Variants in DAZAP1 observed in about 807,000 individuals in gnomAD.
The protein encoded by DAZAP1 is DAZ associated protein 1.
Under a neutral mutation model 60.1 loss-of-function variants are expected in DAZAP1, and 6 were observed. That is an observed-to-expected ratio of 0.10 (90% CI 0.05 to 0.20). DAZAP1 has a LOEUF of 0.20. Ranked by LOEUF, DAZAP1 falls within the 10% of genes least tolerant of loss-of-function variation. DAZAP1 has a pLI of 1.00. For synonymous variants in DAZAP1, 235 were observed against 215.9 expected (o/e 1.09, Z -0.78); for missense variants, 366 against 560.4 (o/e 0.65, Z 3.50).
intron 1 of DAZAP1, among the ~76,000 whole-genome samples, chr19:1,415,178 A>G (rs1011223224): frequency 1.3e-5 from 2 of 152,048 alleles, no homozygotes; most frequent in Admixed American, 1.3e-4. Context: ...ATTTAAATGA[A>G]GACCGAAACT....
rs1391913051 is a variant in DAZAP1, at chr19:1,428,842, G to A, written c.547G>A (p.Val183Met). The change falls in exon 8 of 12, where the codon GTG becomes ATG. Residue 183 changes from valine to methionine, a missense_variant and splice_region_variant. Transcript: ENST00000233078. The surrounding 1 kb of genome is among the most constrained non-coding windows in gnomAD (Gnocchi z 4.0). Reference sequence around the variant, plus strand: ...CTAAACCAGAGCTCGGTTTGTTTAGGTGGAAGTTAAACGAGCTGAGCCTCG... The same window carrying A: ...CTAAACCAGAGCTCGGTTTGTTTAGATGGAAGTTAAACGAGCTGAGCCTCG... ...MHFHDIMGKK[V>M]EVKRAEPRDS... is the part of the protein sequence containing the mutation. The A allele has an allele frequency of 1.2e-6, 2 of 1,612,828 alleles. No individual in the cohort carries two copies. The highest frequency in any genetic ancestry group is 1.7e-6 in the Non-Finnish European group (2 of 1,179,856).
chr19:1,433,836 C>G lies in DAZAP1; in HGVS notation c.1049-901C>G. 6.2e-7 allele frequency: 1 copy of G among 1,612,652 alleles called. No homozygotes were observed. Among genetic ancestry groups the G allele is most frequent in the Non-Finnish European group, 8.5e-7 (1 of 1,178,934 alleles). On this transcript the variant is annotated intron_variant, in intron 11 of 11. Coordinates refer to ENST00000233078, the MANE Select transcript of DAZAP1 (RefSeq NM_018959.4). The surrounding 1 kb of genome is among the most constrained non-coding windows in gnomAD (Gnocchi z 6.1). ...GCAGTGATGTGGCCTAGGTAGGTGC[C>G]GCCTCCTTCTCCAGGGTCCTCCCAC...
At chr19:1,415,159 A>G (rs1319432850) in intron 1 of DAZAP1, among the ~76,000 whole-genome samples, 1 of 152,042 alleles carries the variant, frequency 6.6e-6, no homozygotes. Flanking sequence ...TTAATACACA[A>G]TTTTTGAAAT....
In DAZAP1 at chr19:1,432,361, C is replaced by G. The variant is rs1181229035; in HGVS notation, c.872-153C>G. 1.3e-6 allele frequency: 1 copy of G among 776,248 alleles called. No homozygotes were observed. The highest frequency in any genetic ancestry group is 1.7e-5 in the African/African-American group (1 of 58,518). The allele number at this position is 776,248 out of a possible 1,614,324, so 48.1% of individuals were successfully genotyped here. On this transcript the variant is annotated intron_variant, in intron 10 of 11. Transcript: ENST00000233078. The surrounding 1 kb of genome is among the most constrained non-coding windows in gnomAD (Gnocchi z 4.9). ...CGGCCCGGGACCGTGGCTCTGTGGTCCATTCTGTGGATGTCCACAAGGCCT... is the reference window on the plus strand; with the variant it reads ...CGGCCCGGGACCGTGGCTCTGTGGTGCATTCTGTGGATGTCCACAAGGCCT...
intron 1 of DAZAP1, among the ~76,000 whole-genome samples, chr19:1,412,481 G>A (rs2082859044): frequency 6.6e-6 from 1 of 152,228 alleles, no homozygotes; most frequent in Admixed American, 6.5e-5. Context: ...GGGTCTGTGG[G>A]GAGGCAGGCT....
rs913091361 is a variant in DAZAP1 at position 1,423,307 on chromosome 19, C to T, written c.463+911C>T. ...AGTCTTAGTCGTAACTTAATTTAGACATACATGCTTAGTGACGTACTTAAG... is the reference window on the plus strand; with the variant it reads ...AGTCTTAGTCGTAACTTAATTTAGATATACATGCTTAGTGACGTACTTAAG... On this transcript the variant is annotated intron_variant, in intron 6 of 11. Transcript: ENST00000233078. This position sits in a 1 kb window ranked among gnomAD's most constrained non-coding sequence, Gnocchi z 6.8. Among the ~76,000 whole-genome samples the T allele has an allele frequency of 6.6e-6, 1 of 152,254 alleles. No individual in the cohort carries two copies. Among genetic ancestry groups the T allele is most frequent in the African/African-American group, 2.4e-5 (1 of 41,460 alleles).
At position 1,434,337 on chromosome 19, in the gene DAZAP1, CAG is replaced by C. The variant is rs745489363; in HGVS notation, c.1049-399_1049-398del. 21 of 214,472 alleles carry C rather than the reference CAG, an allele frequency of 9.8e-5. No homozygotes were observed. The highest frequency in any genetic ancestry group is 1.6e-4 in the Non-Finnish European group (17 of 106,120). The allele number at this position is 214,472 out of a possible 1,614,324, so 13.3% of individuals were successfully genotyped here. A position where few individuals can be genotyped will look rare whatever the true frequency, so the allele number is the denominator to read the frequency against. ...GCCCTGTATCGCTGCAAGGGCCCGT[CAG>C]GGGTTTTCTGAAACTCCGAGAGCCA... On this transcript the variant is annotated intron_variant, in intron 11 of 11. Transcript: ENST00000233078. The surrounding 1 kb of genome is among the most constrained non-coding windows in gnomAD (Gnocchi z 8.0).
At chr19:1,430,059 G>GT in intron 9 of DAZAP1, 63 bp downstream of exon 9, 1 of 1,581,508 alleles carries the variant, frequency 6.3e-7, no homozygotes, top group Non-Finnish European at 8.6e-7. Flanking sequence ...GACTCGCCAG[G>GT]TGTCCTGGGG....
chr19:1,419,106 C>G (rs1298958662), intron 4 of DAZAP1, among the ~76,000 whole-genome samples: 1 of 152,224 alleles, frequency 6.6e-6, no homozygotes, highest in Non-Finnish European at 1.5e-5. Flanking sequence ...TCAGCTCGTG[C>G]TGGCCACTTT....
chr19:1,415,389 G>GTGTTTT (rs751334899), intron 1 of DAZAP1, among the ~76,000 whole-genome samples: 1 of 127,576 alleles, frequency 7.8e-6, no homozygotes, highest in African/African-American at 3.0e-5. Flanking sequence ...GTGTGTGTGT[G>GTGTTTT]TTTTGTTTTT....
At chr19:1,417,575 G>T in intron 2 of DAZAP1, 35 bp downstream of exon 2, 1 of 1,590,280 alleles carries the variant, frequency 6.3e-7, no homozygotes, top group Non-Finnish European at 8.6e-7. Context: ...GGGTACTGCA[G>T]ATGGGCTCTA....
chr19:1,432,865 C>G lies in DAZAP1; in HGVS notation c.1048+175C>G. The G allele has an allele frequency of 1.5e-6, 1 of 675,064 alleles. No homozygotes were observed. The highest frequency in any genetic ancestry group is 2.5e-6 in the Non-Finnish European group (1 of 406,126). The allele number at this position is 675,064 out of a possible 1,614,324, so 41.8% of individuals were successfully genotyped here. Reference sequence around the variant, plus strand: ...GGAGAGATCTCGTGGCAACTCGGGTCCAGCAGAAGGGAGCGTGGGAGTCTT... The same window carrying G: ...GGAGAGATCTCGTGGCAACTCGGGTGCAGCAGAAGGGAGCGTGGGAGTCTT... On this transcript the variant is annotated intron_variant, in intron 11 of 11. Transcript: ENST00000233078. This position sits in a 1 kb window ranked among gnomAD's most constrained non-coding sequence, Gnocchi z 4.9.
Position 1,432,473 on chromosome 19 carries a change from G to T in DAZAP1, c.872-41G>T. The T allele has an allele frequency of 6.2e-7, 1 of 1,609,108 alleles. No homozygotes were observed. The highest frequency in any genetic ancestry group is 8.5e-7 in the Non-Finnish European group (1 of 1,176,910). On this transcript the variant is annotated intron_variant, in intron 10 of 11. Coordinates refer to ENST00000233078, the MANE Select transcript of DAZAP1 (RefSeq NM_018959.4). This position sits in a 1 kb window ranked among gnomAD's most constrained non-coding sequence, Gnocchi z 4.9. The stretch of plus-strand genomic sequence containing the variant: ...GTCTCCTGCTGGTCTGCCCCCAGCT[G>T]CACAACGTGTCTTGTGCCTTGCCCT...
Position 1,428,688 on chromosome 19 carries a change from A to G in DAZAP1, c.547-154A>G. ...AACACAAAAGAATTTTTTAAGAAAA[A>G]AATGCTACTGGCCTAAATAAGGTTT... On this transcript the variant is annotated intron_variant, in intron 7 of 11. Transcript: ENST00000233078. This position sits in a 1 kb window ranked among gnomAD's most constrained non-coding sequence, Gnocchi z 4.0. 1 of 943,738 alleles carries G rather than the reference A, an allele frequency of 1.1e-6. No individual in the cohort carries two copies. Among genetic ancestry groups the G allele is most frequent in the Non-Finnish European group, 1.5e-6 (1 of 645,344 alleles). 58.5% of individuals were successfully genotyped at this position (943,738 alleles called of 1,614,324 possible). A position where few individuals can be genotyped will look rare whatever the true frequency, so the allele number is the denominator to read the frequency against.
chr19:1,432,947 C>A lies in DAZAP1; in HGVS notation c.1048+257C>A, dbSNP rs571781421. On this transcript the variant is annotated intron_variant, in intron 11 of 11. Coordinates refer to ENST00000233078, the MANE Select transcript of DAZAP1 (RefSeq NM_018959.4). This position sits in a 1 kb window ranked among gnomAD's most constrained non-coding sequence, Gnocchi z 4.9. ...GCTGCAGGGCCTGCATGTGTGGGAA[C>A]CTGAGTGGCGACTGGGTCGAGGGAA... is the stretch of plus-strand genomic sequence containing the variant. 9 of 490,804 alleles carry A rather than the reference C, an allele frequency of 1.8e-5. No homozygotes were observed. The highest frequency in any genetic ancestry group is 7.5e-5 in the Admixed American group (2 of 26,774). 30.4% of individuals were successfully genotyped at this position (490,804 alleles called of 1,614,324 possible).
intron 1 of DAZAP1, among the ~76,000 whole-genome samples, chr19:1,412,807 C>T (rs951615621): frequency 6.6e-6 from 1 of 152,216 alleles, no homozygotes; most frequent in Non-Finnish European, 1.5e-5. Flanking sequence ...TGCCAGGTGT[C>T]GAGCTGCAGG....
At chr19:1,431,049 C>T (rs1203138896) in intron 10 of DAZAP1, among the ~76,000 whole-genome samples, 2 of 151,714 alleles carry the variant, frequency 1.3e-5, no homozygotes, top group East Asian at 2.0e-4. Context: ...GACTAATTTT[C>T]CTGTACACGT....
rs889951480 is a variant in DAZAP1 at position 1,423,103 on chromosome 19, C to T, written c.463+707C>T. 6.6e-6 allele frequency among the ~76,000 whole-genome samples: 1 copy of T among 151,736 alleles called. No homozygotes were observed. Among genetic ancestry groups the T allele is most frequent in the Non-Finnish European group, 1.5e-5 (1 of 68,004 alleles). ...TTGGCCGGCCACGTGAGCAGACCTG[C>T]AGCCTGGGTCTGCCCGCCACGTCCG... On this transcript the variant is annotated intron_variant, in intron 6 of 11. Transcript: ENST00000233078. The surrounding 1 kb of genome is among the most constrained non-coding windows in gnomAD (Gnocchi z 6.8).
Position 1,418,339 on chromosome 19 carries a change from C to T in DAZAP1, c.206C>T (p.Ala69Val). Reference sequence around the variant, plus strand: ...CCAAACTGTGTGGGGACGGTGCTGGCCAGCAGACCGCACACGCTAGATGGC... The same window carrying T: ...CCAAACTGTGTGGGGACGGTGCTGGTCAGCAGACCGCACACGCTAGATGGC... Reference protein sequence around the residue: ...KDPNCVGTVLASRPHTLDGRN... With the variant: ...KDPNCVGTVLVSRPHTLDGRN... Residue 69 changes from alanine to valine, a missense_variant, in exon 3 of 12, where the codon GCC becomes GTC. Coordinates refer to ENST00000233078, the MANE Select transcript of DAZAP1 (RefSeq NM_018959.4). The surrounding 1 kb of genome is among the most constrained non-coding windows in gnomAD (Gnocchi z 5.7). The T allele has an allele frequency of 6.2e-7, 1 of 1,614,120 alleles. No individual in the cohort carries two copies. The highest frequency in any genetic ancestry group is 8.5e-7 in the Non-Finnish European group (1 of 1,180,034).
Sources: allele counts gnomAD v4.1 joint callset (sites outside exome capture counted in the v4.1 genomes callset), GRCh38; gene constraint gnomAD v4.1.1; non-coding constraint Gnocchi (gnomAD v3.1); transcripts MANE v1.5; gene names NCBI Gene and HGNC (gene_info 2026-07-23, HGNC 2026-07-21).